The following NRG1 variants were observed in gnomAD, a reference collection of about 807,000 sequenced individuals.
NRG1 encodes neuregulin 1.
In NRG1, 18 loss-of-function variants were observed where a neutral mutation model predicts 63.8. The observed-to-expected ratio is 0.28, with a 90% CI of 0.19 to 0.42. The LOEUF is 0.42. Among genes scored for constraint, NRG1 ranks in the 10% least tolerant of loss-of-function variants. The pLI is 1.00. For missense variants in NRG1, 762 were observed against 814.7 expected, an observed-to-expected ratio of 0.94 and a Z score of 0.79; for synonymous variants, 302 against 301.3, an observed-to-expected ratio of 1.00 and a Z score of -0.02.
intron 1 of NRG1, among the ~76,000 whole-genome samples, chr8:32,373,066 G>A (rs2129482859): frequency 6.6e-6 from 1 of 152,270 alleles, no homozygotes; most frequent in African/African-American, 2.4e-5. Context: ...TAAGCCCTTG[G>A]GGTGTGTGTC....
chr8:31,894,714 C>T (rs1465713346), intron 1 of NRG1, among the ~76,000 whole-genome samples: 1 of 151,942 alleles, frequency 6.6e-6, no homozygotes, highest in Non-Finnish European at 1.5e-5. Context: ...CCACGCCCGG[C>T]TAATTTTTTG....
intron 1 of NRG1, among the ~76,000 whole-genome samples, chr8:31,802,873 G>A (rs1821923309): frequency 6.6e-6 from 1 of 152,124 alleles, no homozygotes; most frequent in South Asian, 2.1e-4. Context: ...AAGATGTTCT[G>A]CTTTTCATAT....
At chr8:31,741,095 T>C (rs1586066726) in intron 1 of NRG1, among the ~76,000 whole-genome samples, 1 of 152,150 alleles carries the variant, frequency 6.6e-6, no homozygotes, top group East Asian at 1.9e-4. Flanking sequence ...GAGGCCATTA[T>C]TCTAAGCAAA....
chr8:32,045,668 A>T (rs989085970), intron 1 of NRG1, among the ~76,000 whole-genome samples: 1 of 151,992 alleles, frequency 6.6e-6, no homozygotes, highest in African/African-American at 2.4e-5. Flanking sequence ...AAATATGCCA[A>T]CTCATCTTTA....
intron 1 of NRG1, among the ~76,000 whole-genome samples, chr8:31,877,117 G>A (rs1268013659): frequency 6.6e-6 from 1 of 152,022 alleles, no homozygotes; most frequent in African/African-American, 2.4e-5. Context: ...TTTAAAAAGT[G>A]CACCGTTATC....
At chr8:32,498,195 TA>T (rs1344481465) in intron 1 of NRG1, among the ~76,000 whole-genome samples, 3 of 152,106 alleles carry the variant, frequency 2.0e-5, no homozygotes, top group African/African-American at 7.2e-5. Flanking sequence ...GTGGTTAGAC[TA>T]GGGGGTTTAT....
In NRG1 at chr8:32,326,738, T is replaced by TA. The variant is rs553842401; in HGVS notation, c.38-269083dup. On this transcript the variant is annotated intron_variant, in intron 1 of 10. Coordinates refer to the NRG1 transcript ENST00000519301. ...CCAGTGAGTCCTAAAACTGAATTTT[T>TA]AAAAAAATTAGAAACATAGAGTTAA... Among the ~76,000 whole-genome samples, 316 of 152,216 alleles carry TA rather than the reference T, an allele frequency of 2.1e-3. 8 individuals are homozygous for TA. Among genetic ancestry groups the TA allele is most frequent in the Admixed American group, 0.018 (277 of 15,286 alleles).
intron 1 of NRG1, among the ~76,000 whole-genome samples, chr8:31,835,432 G>A (rs965079665): frequency 6.6e-6 from 1 of 152,128 alleles, no homozygotes; most frequent in East Asian, 1.9e-4. Flanking sequence ...TAGTAATAAC[G>A]TTCAGCCTCA....
intron 2 of NRG1, among the ~76,000 whole-genome samples, chr8:32,600,940 G>A (rs1232838933): frequency 6.6e-6 from 1 of 152,060 alleles, no homozygotes; most frequent in Non-Finnish European, 1.5e-5. Flanking sequence ...CCTTCTTATA[G>A]ACAGAGTATG....
intron 1 of NRG1, among the ~76,000 whole-genome samples, chr8:32,013,637 G>C (rs974727909): frequency 6.6e-6 from 1 of 151,920 alleles, no homozygotes; most frequent in Non-Finnish European, 1.5e-5. Flanking sequence ...ATACAGGAGA[G>C]AACCTACACC....
At chr8:32,647,556 C>G in intron 5 of NRG1, 10 of 985,268 alleles carry the variant, frequency 1.0e-5, no homozygotes, top group Non-Finnish European at 1.1e-5. Flanking sequence ...AGCTTTTCTT[C>G]CCCCCTTGCA....
At chr8:32,308,589 A>G in intron 1 of NRG1, among the ~76,000 whole-genome samples, 1 of 152,158 alleles carries the variant, frequency 6.6e-6, no homozygotes, top group East Asian at 1.9e-4. Context: ...TCAAAGCATG[A>G]TGTTGGGCTT....
rs572732948 is a variant in NRG1 at position 32,558,199 on chromosome 8, G to T, written c.100+9373G>T. Among the ~76,000 whole-genome samples, 260 of 152,306 alleles carry T rather than the reference G, an allele frequency of 1.7e-3. 1 individual carries two copies. The highest frequency in any genetic ancestry group is 5.9e-3 in the African/African-American group (244 of 41,564). ...CCTTCTCAGACTGAATCCACACAAG[G>T]CCGCCTTGACTGAAAGAGCCTCTAC... On this transcript the variant is annotated intron_variant, in intron 1 of 11. Transcript: ENST00000356819.
chr8:32,431,899 T>A (rs1406624025), intron 1 of NRG1, among the ~76,000 whole-genome samples: 1 of 152,144 alleles, frequency 6.6e-6, no homozygotes, highest in Non-Finnish European at 1.5e-5. Context: ...ATTTACCCTA[T>A]GGGACTGTTA....
At chr8:32,325,068 G>A (rs1479389548) in intron 1 of NRG1, among the ~76,000 whole-genome samples, 1 of 152,054 alleles carries the variant, frequency 6.6e-6, no homozygotes, top group South Asian at 2.1e-4. Context: ...TATTGTCATC[G>A]CCATCCATAT....
chr8:32,072,513 T>C (rs1189255995), intron 1 of NRG1, among the ~76,000 whole-genome samples: 1 of 152,140 alleles, frequency 6.6e-6, no homozygotes, highest in African/African-American at 2.4e-5. Context: ...CATGTACCTT[T>C]CCACTCTGAA....
intron 1 of NRG1, among the ~76,000 whole-genome samples, chr8:32,042,866 T>C (rs1047849155): frequency 6.6e-6 from 1 of 151,456 alleles, no homozygotes; most frequent in African/African-American, 2.4e-5. Flanking sequence ...AAACATGATT[T>C]CAAAAAAAAT....
intron 1 of NRG1, among the ~76,000 whole-genome samples, chr8:31,822,921 A>G (rs1347108612): frequency 1.3e-5 from 2 of 152,162 alleles, no homozygotes; most frequent in Non-Finnish European, 2.9e-5. Flanking sequence ...AGAGGAGGCC[A>G]TGTTTTATGA....
intron 1 of NRG1, among the ~76,000 whole-genome samples, chr8:31,785,574 C>T (rs1027471292): frequency 1.3e-5 from 2 of 152,152 alleles, no homozygotes; most frequent in African/African-American, 4.8e-5. Flanking sequence ...AGATCAGTAA[C>T]AACAGTTATG....
Sources: gnomAD v4.1 joint callset for allele counts (sites outside exome capture counted in the v4.1 genomes callset) on GRCh38, gnomAD v4.1.1 for gene constraint, MANE v1.5 for transcripts, NCBI Gene and HGNC (gene_info 2026-07-23, HGNC 2026-07-21) for gene names.